The following NOS1AP variants were observed in gnomAD, a reference collection of about 807,000 sequenced individuals.
The protein encoded by NOS1AP is nitric oxide synthase 1 adaptor protein.
NOS1AP carries 21 observed loss-of-function variants against 56.2 expected under a neutral mutation model. That is an observed-to-expected ratio of 0.37 (90% CI 0.26 to 0.54). NOS1AP has a LOEUF of 0.54. NOS1AP is among the 20% of genes least tolerant of loss of function. The pLI is 0.84. For synonymous variants in NOS1AP, 270 were observed against 274.6 expected, an observed-to-expected ratio of 0.98 and a Z score of 0.17; for missense variants, 522 against 657.8, an observed-to-expected ratio of 0.79 and a Z score of 2.26.
chr1:162,084,116 G>A (rs1322365041), intron 1 of NOS1AP, among the ~76,000 whole-genome samples: 1 of 152,160 alleles, frequency 6.6e-6, no homozygotes, highest in Non-Finnish European at 1.5e-5. Flanking sequence ...GCATTCTTAG[G>A]ACTGCTTTAA....
At chr1:162,130,442 A>G (rs1223548797) in intron 1 of NOS1AP, among the ~76,000 whole-genome samples, 1 of 152,184 alleles carries the variant, frequency 6.6e-6, no homozygotes, top group Non-Finnish European at 1.5e-5. Flanking sequence ...AGCTGTTAAG[A>G]GCTTTAGTAT....
intron 6 of NOS1AP, among the ~76,000 whole-genome samples, chr1:162,354,528 A>T (rs1657629252): frequency 6.6e-6 from 1 of 152,158 alleles, no homozygotes; most frequent in Non-Finnish European, 1.5e-5. Context: ...AAAATTAGAT[A>T]AGGAAGCATG....
At chr1:162,105,411 T>C (rs1240644868) in intron 1 of NOS1AP, among the ~76,000 whole-genome samples, 2 of 152,216 alleles carry the variant, frequency 1.3e-5, no homozygotes, top group Non-Finnish European at 2.9e-5. Flanking sequence ...AAAGAAGCAG[T>C]CTGGCTGCCC....
At chr1:162,162,767 A>G (rs1045223241) in intron 2 of NOS1AP, among the ~76,000 whole-genome samples, 28 of 152,184 alleles carry the variant, frequency 1.8e-4, no homozygotes, top group African/African-American at 6.8e-4. Flanking sequence ...AACAGACATC[A>G]TTTGGAACGC....
In NOS1AP at chr1:162,156,229, C is replaced by A. The variant is rs149500017; in HGVS notation, c.177+1753C>A. On this transcript the variant is annotated intron_variant, in intron 2 of 9. Transcript: ENST00000361897. ...GTAAGAAGTAGCTTCAAAGCACTTTCACTTGAGTTGTTTCATTCAACATTC... is the reference window on the plus strand; with the variant it reads ...GTAAGAAGTAGCTTCAAAGCACTTTAACTTGAGTTGTTTCATTCAACATTC... Among the ~76,000 whole-genome samples, 590 of 152,282 alleles carry A rather than the reference C, an allele frequency of 3.9e-3. 5 individuals are homozygous for A. Among genetic ancestry groups the A allele is most frequent in the African/African-American group, 0.013 (553 of 41,560 alleles).
At position 162,222,960 on chromosome 1, in the gene NOS1AP, C is replaced by G. The variant is rs142670799; in HGVS notation, c.178-64384C>G. 1.7e-4 allele frequency among the ~76,000 whole-genome samples: 26 copies of G among 152,278 alleles called. No individual in the cohort carries two copies. The East Asian group carries it at 4.8e-3, about 28-fold the overall frequency. ...ACATACAGATCACACTATTCTTTTA[C>G]CATTTTGTCATTGGAGAGCCATGAA... On this transcript the variant is annotated intron_variant, in intron 2 of 9. Transcript: ENST00000361897.
At chr1:162,129,006 T>G (rs1648623088) in intron 1 of NOS1AP, among the ~76,000 whole-genome samples, 2 of 152,212 alleles carry the variant, frequency 1.3e-5, no homozygotes, top group African/African-American at 2.4e-5. Flanking sequence ...CTAGGTTTAT[T>G]TCACCTTTAT....
chr1:162,210,184 T>A (rs1652303332), intron 2 of NOS1AP, among the ~76,000 whole-genome samples: 1 of 152,180 alleles, frequency 6.6e-6, no homozygotes, highest in South Asian at 2.1e-4. Flanking sequence ...ACTACATTTC[T>A]TCAGCAACAA....
chr1:162,350,464 T>G (rs1657455483), intron 6 of NOS1AP, among the ~76,000 whole-genome samples: 1 of 152,152 alleles, frequency 6.6e-6, no homozygotes, highest in African/African-American at 2.4e-5. Context: ...CCAAGCCAGG[T>G]GGAGCCACTG....
At chr1:162,365,372 C>T (rs1483259386) in intron 8 of NOS1AP, 32 bp from the exon 9 acceptor site, 1 of 1,613,828 alleles carries the variant, frequency 6.2e-7, no homozygotes, top group Non-Finnish European at 8.5e-7. Flanking sequence ...TCTCTCTGTC[C>T]TGTCTTCTCT....
At chr1:162,187,182 G>C (rs1481007546) in intron 2 of NOS1AP, among the ~76,000 whole-genome samples, 2 of 152,054 alleles carry the variant, frequency 1.3e-5, no homozygotes, top group East Asian at 3.9e-4. Flanking sequence ...GCCCAGGCTG[G>C]TCTTGAACTC....
chr1:162,347,172 G>C (rs192330682), intron 6 of NOS1AP, among the ~76,000 whole-genome samples: 1 of 152,222 alleles, frequency 6.6e-6, no homozygotes, highest in Non-Finnish European at 1.5e-5. Flanking sequence ...AGGATTTGCC[G>C]TAAGAACTGC....
intron 4 of NOS1AP, among the ~76,000 whole-genome samples, chr1:162,302,907 C>G (rs1450793196): frequency 1.3e-5 from 2 of 152,164 alleles, no homozygotes; most frequent in East Asian, 3.8e-4. Flanking sequence ...TAAATAGAAT[C>G]AACAGTATAT....
chr1:162,264,476 C>T (rs1463174435), intron 2 of NOS1AP, among the ~76,000 whole-genome samples: 18 of 91,664 alleles, frequency 2.0e-4, no homozygotes, highest in Non-Finnish European at 2.8e-4. Context: ...CTCCCCTCCC[C>T]TCCCCTCCCC....
intron 2 of NOS1AP, among the ~76,000 whole-genome samples, chr1:162,204,640 G>A (rs893965122): frequency 2.6e-5 from 4 of 152,206 alleles, no homozygotes; most frequent in African/African-American, 9.7e-5. Flanking sequence ...TATTTCCTGT[G>A]TTAGTGCCTC....
intron 2 of NOS1AP, among the ~76,000 whole-genome samples, chr1:162,190,437 T>C (rs1651587318): frequency 6.6e-6 from 1 of 152,198 alleles, no homozygotes. Context: ...TACATATGTA[T>C]ACATGTTCTG....
chr1:162,199,079 T>G (rs1651899805), intron 2 of NOS1AP, among the ~76,000 whole-genome samples: 1 of 152,216 alleles, frequency 6.6e-6, no homozygotes, highest in South Asian at 2.1e-4. Context: ...GCTTCATTGT[T>G]AGGGGATAGG....
intron 2 of NOS1AP, among the ~76,000 whole-genome samples, chr1:162,283,104 C>T (rs73021413): frequency 8.2e-6 from 1 of 122,432 alleles, no homozygotes; most frequent in Admixed American, 9.0e-5. Flanking sequence ...CTCTCTCTCT[C>T]TGTGTGTGTG....
intron 8 of NOS1AP, chr1:162,364,954 G>GT: frequency 9.7e-7 from 1 of 1,030,256 alleles, no homozygotes; most frequent in Non-Finnish European, 1.2e-6. Flanking sequence ...TTTTGGTTTT[G>GT]TTTTTTAGAA....
Sources: allele counts gnomAD v4.1 joint callset (sites outside exome capture counted in the v4.1 genomes callset), GRCh38; gene constraint gnomAD v4.1.1; transcripts MANE v1.5; gene names NCBI Gene and HGNC (gene_info 2026-07-23, HGNC 2026-07-21).